The following CEP170 variants were observed in gnomAD, a reference collection of about 807,000 sequenced individuals.
CEP170 encodes centrosomal protein 170, also known as centrosomal protein of 170 kDa.
A neutral mutation model predicts 151.9 loss-of-function variants in CEP170; 21 were observed. The observed-to-expected ratio is 0.14, with a 90% CI of 0.10 to 0.20. CEP170 has a LOEUF of 0.20. Among genes scored for constraint, CEP170 ranks in the 10% least tolerant of loss-of-function variants. The probability of loss-of-function intolerance (pLI) is 1.00; values close to 1 mark genes in which losing one functional copy is unlikely to be tolerated. For missense variants in CEP170, 964 were observed against 1,892.9 expected (o/e 0.51, Z 9.11); for synonymous variants, 356 against 648.8 (o/e 0.55, Z 6.86).
chr1:243,216,718 T>C (rs2062337318), intron 3 of CEP170, among the ~76,000 whole-genome samples: 1 of 152,218 alleles, frequency 6.6e-6, no homozygotes, highest in Non-Finnish European at 1.5e-5. Context: ...CCATTAAGAC[T>C]CTAGATTATA....
In CEP170 at chr1:243,140,097, C is replaced by T. The variant is rs564701394; in HGVS notation, c.4070G>A (p.Arg1357His). Residue 1357 changes from arginine (R) to histidine (H), a missense_variant, in exon 16 of 20, where the codon CGT becomes CAT. Physicochemically the swap from Arg to His is conservative, Grantham distance 29 (BLOSUM62 0). Coordinates refer to ENST00000366542, the MANE Select transcript of CEP170 (RefSeq NM_014812.3). ...GAAGTTGAGGCTTTCATCAAAAACACGATCAACCAACTAATGGGACGAAAG... is the reference window on the plus strand; with the variant it reads ...GAAGTTGAGGCTTTCATCAAAAACATGATCAACCAACTAATGGGACGAAAG... Reference protein sequence around the residue: ...AIDTREELVDRVFDESLNFRK... With the variant: ...AIDTREELVDHVFDESLNFRK... The T allele has an allele frequency of 5.0e-6, 8 of 1,613,480 alleles. No homozygotes were observed. Among genetic ancestry groups the T allele is most frequent in the East Asian group, 4.5e-5 (2 of 44,872 alleles).
rs893480176 is a variant in CEP170 at position 243,155,979 on chromosome 1, AG to A, written c.3911+241del. Among the ~76,000 whole-genome samples the A allele has an allele frequency of 7.9e-5, 12 of 152,086 alleles. No individual in the cohort carries two copies. The South Asian group carries it at 1.0e-3, about 13-fold the overall frequency. On this transcript the variant is annotated intron_variant, in intron 14 of 19. Coordinates refer to ENST00000366542, the MANE Select transcript of CEP170 (RefSeq NM_014812.3). ...CTTTAAAAGAAATTCTTAAAAAGGGAGGGGGGGAGACAGAAAAGGTCAAAAT... is the reference window on the plus strand; with the variant it reads ...CTTTAAAAGAAATTCTTAAAAAGGGAGGGGGGAGACAGAAAAGGTCAAAAT...
At chr1:243,236,305 T>C (rs1250390848) in intron 1 of CEP170, among the ~76,000 whole-genome samples, 3 of 152,206 alleles carry the variant, frequency 2.0e-5, no homozygotes, top group African/African-American at 4.8e-5. Flanking sequence ...TTTTCTTAAA[T>C]ATACCTCGAA....
intron 14 of CEP170, among the ~76,000 whole-genome samples, chr1:243,145,102 T>G (rs75388769): frequency 0.071 from 10,764 of 152,000 alleles, 821 homozygotes; most frequent in East Asian, 0.18. Context: ...TTGGGTATAT[T>G]GGAAGATTAA....
chr1:243,241,134 A>G (rs1182009395), intron 1 of CEP170, among the ~76,000 whole-genome samples: 1 of 152,252 alleles, frequency 6.6e-6, no homozygotes, highest in African/African-American at 2.4e-5. Flanking sequence ...GCCTCCGAAC[A>G]TAAAAATGAA....
intron 1 of CEP170, among the ~76,000 whole-genome samples, chr1:243,252,091 C>G (rs2065986847): frequency 6.6e-6 from 1 of 152,010 alleles, no homozygotes. Context: ...ATATTTCTTC[C>G]CATCAAAAGT....
Position 243,164,483 on chromosome 1 carries a change from G to A in CEP170, c.3477C>T (p.Gly1159=), listed in dbSNP as rs201167561. Residue 1159 remains glycine, a synonymous_variant, in exon 13 of 20, where the codon GGC becomes GGT. Transcript: ENST00000366542. ...LLAQPRRTRL[G]SLSARSDSEA... ...CAGAGTCACTACGAGCTGACAGTGA[G>A]CCAAGTCGTGTTCTACGAGGCTGAG... 4.1e-3 allele frequency: 6,555 copies of A among 1,607,098 alleles called. 6 individuals carry two copies. The highest frequency in any genetic ancestry group is 4.7e-3 in the Non-Finnish European group (5,581 of 1,175,184).
At chr1:243,225,051 T>A in intron 2 of CEP170, 125 bp downstream of exon 2, 2 of 481,310 alleles carry the variant, frequency 4.2e-6, no homozygotes, top group East Asian at 7.0e-5. Flanking sequence ...ATTAGAATGA[T>A]AGCTGGAGCT....
intron 3 of CEP170, among the ~76,000 whole-genome samples, chr1:243,213,442 G>A (rs1453875859): frequency 6.6e-6 from 1 of 152,026 alleles, no homozygotes; most frequent in African/African-American, 2.4e-5. Flanking sequence ...GAAGAAAACA[G>A]GAAGATATTT....
intron 10 of CEP170, among the ~76,000 whole-genome samples, chr1:243,177,019 G>A (rs376445332): frequency 6.6e-6 from 1 of 152,194 alleles, no homozygotes; most frequent in East Asian, 1.9e-4. Context: ...TTATTGAAAA[G>A]CTCAGTCTGT....
At chr1:243,158,964 G>T (rs559658422) in intron 13 of CEP170, among the ~76,000 whole-genome samples, 2 of 152,232 alleles carry the variant, frequency 1.3e-5, no homozygotes, top group South Asian at 4.1e-4. Flanking sequence ...CTACTCGGGA[G>T]GCTAAGAGAG....
chr1:243,241,898 T>C (rs1027288407), intron 1 of CEP170, among the ~76,000 whole-genome samples: 2 of 151,096 alleles, frequency 1.3e-5, no homozygotes, highest in Admixed American at 1.3e-4. Context: ...GGCTATGAAG[T>C]TGACTAGGAA....
intron 14 of CEP170, among the ~76,000 whole-genome samples, chr1:243,146,955 C>T (rs1452125399): frequency 6.6e-6 from 1 of 151,722 alleles, no homozygotes; most frequent in African/African-American, 2.4e-5. Context: ...TTGTGAATCC[C>T]CCCTAACCAG....
At chr1:243,222,033 A>G (rs756987700) in intron 2 of CEP170, among the ~76,000 whole-genome samples, 6 of 152,358 alleles carry the variant, frequency 3.9e-5, no homozygotes, top group African/African-American at 9.6e-5. Flanking sequence ...ATTCTTTTCT[A>G]CTAAATTCAC....
chr1:243,173,815 T>A lies in CEP170; in HGVS notation c.1567-969A>T, dbSNP rs950614687. ...GAGTTAGAAAAAAGTATCTCTTCAGTTTCTTTTCAGCTTCTTTGCTCTATT... is the reference window on the plus strand; with the variant it reads ...GAGTTAGAAAAAAGTATCTCTTCAGATTCTTTTCAGCTTCTTTGCTCTATT... On this transcript the variant is annotated intron_variant, in intron 10 of 19. Coordinates refer to ENST00000366542, the MANE Select transcript of CEP170 (RefSeq NM_014812.3). 5.9e-5 allele frequency among the ~76,000 whole-genome samples: 9 copies of A among 152,110 alleles called. No homozygotes were observed. In the East Asian group the frequency reaches 1.2e-3, roughly 20 times the overall value.
In CEP170 at chr1:243,214,845, T is replaced by C. The variant is rs116147045; in HGVS notation, c.196-2881A>G. Among the ~76,000 whole-genome samples the C allele has an allele frequency of 6.7e-3, 1,016 of 152,340 alleles. 13 individuals are homozygous for C. The highest frequency in any genetic ancestry group is 0.023 in the African/African-American group (965 of 41,580). ...TGAGTTTGTCATGTCTAATTTTTTA[T>C]TAAAATTTCAAGTTGTTTTAATTAC... On this transcript the variant is annotated intron_variant, in intron 3 of 19. Transcript: ENST00000366542.
chr1:243,236,356 T>C (rs374991207), intron 1 of CEP170, among the ~76,000 whole-genome samples: 7 of 152,208 alleles, frequency 4.6e-5, no homozygotes, highest in African/African-American at 1.7e-4. Context: ...TTGGCTACAG[T>C]TGGAGTATGA....
At chr1:243,177,116 C>T (rs2059306886) in intron 10 of CEP170, among the ~76,000 whole-genome samples, 1 of 152,110 alleles carries the variant, frequency 6.6e-6, no homozygotes, top group African/African-American at 2.4e-5. Context: ...AATATCCTAC[C>T]TATTGAATAT....
intron 11 of CEP170, among the ~76,000 whole-genome samples, chr1:243,170,535 T>C (rs2058758471): frequency 6.6e-6 from 1 of 152,212 alleles, no homozygotes; most frequent in Non-Finnish European, 1.5e-5. Flanking sequence ...TGCTCACGCC[T>C]GTAATCCCAG....
Sources: allele counts gnomAD v4.1 joint callset (sites outside exome capture counted in the v4.1 genomes callset), GRCh38; gene constraint gnomAD v4.1.1; transcripts MANE v1.5; gene names NCBI Gene and HGNC (gene_info 2026-07-23, HGNC 2026-07-21).